SKIC3: variants seen among roughly 807,000 people sequenced by gnomAD.
The protein encoded by SKIC3 is SKI3 subunit of superkiller complex.
chr5:95,519,211 C>T, the SKIC3 span, among the ~76,000 whole-genome samples: 1 of 151,908 alleles, frequency 6.6e-6, no homozygotes, highest in Non-Finnish European at 1.5e-5. Context: ...AGGGCAATTC[C>T]TTTTAGAATG....
chr5:95,498,342 G>T, the SKIC3 span: 3 of 1,602,996 alleles, frequency 1.9e-6, no homozygotes, highest in Non-Finnish European at 2.6e-6. Context: ...GTATAATTAG[G>T]TTCCAGGTTC....
the SKIC3 span, among the ~76,000 whole-genome samples, chr5:95,494,224 A>G: frequency 6.6e-6 from 1 of 152,178 alleles, no homozygotes; most frequent in Non-Finnish European, 1.5e-5. Context: ...GCCTCTTTCA[A>G]TAATTGGTGC....
the SKIC3 span, chr5:95,470,034 T>C: frequency 8.7e-7 from 1 of 1,153,206 alleles, no homozygotes; most frequent in Non-Finnish European, 1.2e-6. Context: ...TGGAGTGCAG[T>C]GGCGCGATCT....
At chr5:95,530,027 A>G in the SKIC3 span, 6 of 1,588,958 alleles carry the variant, frequency 3.8e-6, no homozygotes, top group Non-Finnish European at 5.1e-6. Context: ...GCTCAAAGAT[A>G]AATGCCTACT....
chr5:95,517,434 T>A, the SKIC3 span: 1 of 1,186,352 alleles, frequency 8.4e-7, no homozygotes. Flanking sequence ...TTTACTAGTC[T>A]CCTCCTAACT....
At chr5:95,509,486 A>G in the SKIC3 span, 1 of 830,262 alleles carries the variant, frequency 1.2e-6, no homozygotes, top group African/African-American at 1.7e-5. Flanking sequence ...TGGCGTGAAC[A>G]TCCCCTGGCT....
chr5:95,521,376 C>G, the SKIC3 span: 1 of 152,732 alleles, frequency 6.5e-6, no homozygotes, highest in Non-Finnish European at 1.5e-5. Context: ...TATGTGCTCA[C>G]TTCAGCAGCA....
the SKIC3 span, among the ~76,000 whole-genome samples, chr5:95,490,507 T>A: frequency 6.8e-5 from 10 of 147,638 alleles, no homozygotes; most frequent in Non-Finnish European, 1.3e-4. Flanking sequence ...TATATATATT[T>A]TTTTTTTTGA....
At chr5:95,476,784 G>C in the SKIC3 span, among the ~76,000 whole-genome samples, 1 of 152,102 alleles carries the variant, frequency 6.6e-6, no homozygotes, top group Non-Finnish European at 1.5e-5. Context: ...AAGGTGGGGT[G>C]GGGGATTCAG....
chr5:95,480,346 T>C, the SKIC3 span, among the ~76,000 whole-genome samples: 13 of 152,074 alleles, frequency 8.5e-5, no homozygotes, highest in Admixed American at 2.0e-4. Context: ...TCAGGAAATA[T>C]AATAAATTCC....
chr5:95,529,346 A>C, the SKIC3 span: 1 of 545,540 alleles, frequency 1.8e-6, no homozygotes, highest in East Asian at 3.2e-5. Flanking sequence ...ATCCACCCCA[A>C]TGCATTCTTT....
the SKIC3 span, chr5:95,516,278 A>T: frequency 6.7e-7 from 1 of 1,500,770 alleles, no homozygotes; most frequent in South Asian, 1.1e-5. Flanking sequence ...CTCCACAAGA[A>T]GCTGAGCTAT....
the SKIC3 span, among the ~76,000 whole-genome samples, chr5:95,533,333 T>TTCAC: frequency 6.6e-6 from 1 of 152,132 alleles, no homozygotes; most frequent in Non-Finnish European, 1.5e-5. Context: ...TGCTGTGAAG[T>TTCAC]AGCAAATTCT....
At chr5:95,478,231 A>G in the SKIC3 span, 4 of 1,588,970 alleles carry the variant, frequency 2.5e-6, no homozygotes, top group African/African-American at 4.1e-5. Flanking sequence ...AAAAGCCTTC[A>G]CGTCAAAGAA....
chr5:95,483,207 C>T, the SKIC3 span, among the ~76,000 whole-genome samples: 1 of 152,002 alleles, frequency 6.6e-6, no homozygotes, highest in South Asian at 2.1e-4. Context: ...ATTGTATATA[C>T]TTATATTCTC....
the SKIC3 span, chr5:95,515,058 A>G: frequency 2.5e-6 from 2 of 813,008 alleles, no homozygotes; most frequent in Non-Finnish European, 4.0e-6. Flanking sequence ...CTGTTTAAGC[A>G]TAATTAGCAA....
the SKIC3 span, chr5:95,547,113 G>A: frequency 6.2e-7 from 1 of 1,613,086 alleles, no homozygotes. Context: ...TGCATCTCTA[G>A]CACTTTTTAG....
At chr5:95,521,957 C>T in the SKIC3 span, 2 of 1,523,250 alleles carry the variant, frequency 1.3e-6, no homozygotes, top group South Asian at 1.2e-5. Context: ...TAAAGAAGTC[C>T]TTTTCAAGTT....
the SKIC3 span, among the ~76,000 whole-genome samples, chr5:95,494,230 G>C: frequency 6.6e-6 from 1 of 151,990 alleles, no homozygotes; most frequent in East Asian, 1.9e-4. Context: ...TTCAATAATT[G>C]GTGCTCTCTT....
Sources: gnomAD v4.1 joint callset for allele counts (sites outside exome capture counted in the v4.1 genomes callset) on GRCh38, gnomAD v4.1.1 for gene constraint, MANE v1.5 for transcripts, NCBI Gene and HGNC (gene_info 2026-07-23, HGNC 2026-07-21) for gene names.